The following ARHGAP31 variants were observed in gnomAD, a reference collection of about 807,000 sequenced individuals.
ARHGAP31 encodes the protein Rho GTPase activating protein 31.
ARHGAP31 carries 34 observed loss-of-function variants against 113.9 expected under a neutral mutation model. The observed-to-expected ratio is 0.30, with a 90% confidence interval of 0.23 to 0.40. The LOEUF is 0.40. Among genes scored for constraint, ARHGAP31 ranks in the 10% least tolerant of loss-of-function variants. The pLI is 1.00. For synonymous variants in ARHGAP31, 650 were observed against 684.8 expected, an observed-to-expected ratio of 0.95 and a Z score of 0.79; for missense variants, 1,548 against 1,767.1, an observed-to-expected ratio of 0.88 and a Z score of 2.22.
rs749855882 is a variant in ARHGAP31, at chr3:119,402,081, C to A, written c.1329C>A (p.Ser443Arg). The change falls in exon 10 of 12, where the codon AGC becomes AGA. Residue 443 changes from serine to arginine, a missense_variant. Physicochemically the swap from Ser to Arg is moderately radical, Grantham distance 110 (BLOSUM62 -1). Coordinates refer to ENST00000264245, the MANE Select transcript of ARHGAP31 (RefSeq NM_020754.4). ...TCCGGCCTGTTGAGGATCCGGAGAG[C>A]GAGCAAACAGCCCCAAAGATGTTGG... ...KVFRPVEDPESEQTAPKMLGM... is the reference protein window; with the variant it reads ...KVFRPVEDPEREQTAPKMLGM... The A allele has an allele frequency of 6.2e-6, 10 of 1,614,088 alleles. No individual in the cohort carries two copies. The African/African-American group carries it at 1.2e-4, about 19-fold the overall frequency.
intron 6 of ARHGAP31, among the ~76,000 whole-genome samples, 156 bp downstream of exon 6, chr3:119,383,382 A>G (rs1011606535): frequency 6.6e-6 from 1 of 152,192 alleles, no homozygotes; most frequent in East Asian, 1.9e-4. Flanking sequence ...AGGATCGTGC[A>G]TATATACATC....
intron 3 of ARHGAP31, among the ~76,000 whole-genome samples, chr3:119,377,136 T>G (rs1427750234): frequency 1.3e-5 from 2 of 152,196 alleles, no homozygotes; most frequent in African/African-American, 4.8e-5. Flanking sequence ...CATTCAACAG[T>G]GTTTATTGGG....
At chr3:119,338,324 T>G (rs1162103185) in intron 1 of ARHGAP31, among the ~76,000 whole-genome samples, 1 of 152,220 alleles carries the variant, frequency 6.6e-6, no homozygotes, top group South Asian at 2.1e-4. Context: ...CATTTAACAA[T>G]TAGCTCATAC....
chr3:119,391,589 A>ACCCCCCCCCCCCCCCCCCCCCCCCCC (rs368549202), intron 7 of ARHGAP31, among the ~76,000 whole-genome samples: 7 of 103,852 alleles, frequency 6.7e-5, no homozygotes, highest in African/African-American at 1.1e-4. Flanking sequence ...CTGGGTCTCT[A>ACCCCCCCCCCCCCCCCCCCCCCCCCC]CCCCCCCCTC....
rs750712359 is a variant in ARHGAP31, at chr3:119,415,582, C to T, written c.3653C>T (p.Ser1218Phe). The T allele has an allele frequency of 1.9e-5, 31 of 1,614,052 alleles. No individual in the cohort carries two copies. The highest frequency in any genetic ancestry group is 2.6e-5 in the Non-Finnish European group (31 of 1,180,052). ...ACCCAGATCCCACAGCCCCTGCCCT[C>T]TCAGAGCTCAGGGGAGAATGGGGTT... ...QYTQIPQPLP[S>F]QSSGENGVQP... The change falls in exon 12 of 12, where the codon TCT becomes TTT. Residue 1218 changes from serine to phenylalanine, a missense_variant. Physicochemically the swap from Ser to Phe is radical, Grantham distance 155 (BLOSUM62 -2). Transcript: ENST00000264245.
chr3:119,349,345 G>A (rs115811268), intron 1 of ARHGAP31, among the ~76,000 whole-genome samples: 441 of 152,266 alleles, frequency 2.9e-3, no homozygotes, highest in African/African-American at 9.6e-3. Context: ...CTGCAGCAGA[G>A]CTTGGTGTCC....
rs948538248 is a variant in ARHGAP31 at position 119,419,108 on chromosome 3, G to A, written c.*2844G>A. On this transcript the variant is annotated 3_prime_UTR_variant, in exon 12 of 12. Coordinates refer to ENST00000264245, the MANE Select transcript of ARHGAP31 (RefSeq NM_020754.4). The stretch of plus-strand genomic sequence containing the variant: ...AGAATGGCTGGATGGGAATCAGATA[G>A]TCTGCTTCCATTCAGGAGAGGGACA... 3 of 152,102 alleles carry A rather than the reference G, an allele frequency of 2.0e-5. No individual in the cohort carries two copies. The highest frequency in any genetic ancestry group is 2.9e-5 in the Non-Finnish European group (2 of 68,062). The allele number at this position is 152,102 out of a possible 1,614,324, so 9.4% of individuals were successfully genotyped here.
At chr3:119,380,325 A>G (rs1045149036) in intron 3 of ARHGAP31, among the ~76,000 whole-genome samples, 16 of 152,110 alleles carry the variant, frequency 1.1e-4, no homozygotes, top group African/African-American at 3.9e-4. Flanking sequence ...GGCTGAGTGG[A>G]CTTGGTAATG....
At chr3:119,307,079 G>A (rs867093207) in intron 1 of ARHGAP31, among the ~76,000 whole-genome samples, 3 of 150,480 alleles carry the variant, frequency 2.0e-5, no homozygotes, top group African/African-American at 7.3e-5. Context: ...CCAGTATAGT[G>A]AAACCAATTA....
Position 119,402,241 on chromosome 3 carries a change from C to T in ARHGAP31, c.1489C>T (p.Arg497Cys). 6.2e-7 allele frequency: 1 copy of T among 1,614,244 alleles called. No homozygotes were observed. Among genetic ancestry groups the T allele is most frequent in the Non-Finnish European group, 8.5e-7 (1 of 1,180,036 alleles). The change falls in exon 10 of 12, where the codon CGC (arginine) becomes TGC (cysteine). Residue 497 changes from arginine to cysteine, a missense_variant. By Grantham distance (180) the Arg-to-Cys change is radical (BLOSUM62 -3). Transcript: ENST00000264245. Reference sequence around the variant, plus strand: ...GCCCTTTGCGGTATCTGTGCCGCTCCGCGTGTCCGCAGTCATCAGCACCAA... The same window carrying T: ...GCCCTTTGCGGTATCTGTGCCGCTCTGCGTGTCCGCAGTCATCAGCACCAA... Reference protein sequence around the residue: ...SEPFAVSVPLRVSAVISTNST... With the variant: ...SEPFAVSVPLCVSAVISTNST...
At chr3:119,361,916 C>T (rs536833485) in intron 1 of ARHGAP31, among the ~76,000 whole-genome samples, 1 of 152,340 alleles carries the variant, frequency 6.6e-6, no homozygotes, top group South Asian at 2.1e-4. Context: ...GGGACCATGA[C>T]CTCTTTCCTT....
In ARHGAP31 at chr3:119,331,518, GGAA is replaced by G. The variant is rs542693896; in HGVS notation, c.101-33793_101-33791del. Among the ~76,000 whole-genome samples the G allele has an allele frequency of 6.6e-5, 10 of 152,040 alleles. No homozygotes were observed. The South Asian group carries it at 2.1e-3, about 32-fold the overall frequency. On this transcript the variant is annotated intron_variant, in intron 1 of 11. Transcript: ENST00000264245. The stretch of plus-strand genomic sequence containing the variant: ...ATGTTGGATTTTGAAAAGGAGTGAG[GGAA>G]GAAGGTGTATATATAGTACCTGCAA...
At chr3:119,324,698 C>G (rs2079826242) in intron 1 of ARHGAP31, among the ~76,000 whole-genome samples, 1 of 152,202 alleles carries the variant, frequency 6.6e-6, no homozygotes, top group South Asian at 2.1e-4. Flanking sequence ...TAAGGATAGA[C>G]GTGGAAAAAC....
chr3:119,323,494 TTTC>T lies in ARHGAP31; in HGVS notation c.100+28499_100+28501del, dbSNP rs558485570. 7.6e-4 allele frequency among the ~76,000 whole-genome samples: 116 copies of T among 152,232 alleles called. 3 individuals carry two copies. The highest frequency in any genetic ancestry group is 4.6e-3 in the South Asian group (22 of 4,832). ...TTCTTTCCTTTTTTCTTTTGTTTCTTTTCTTCTTCTTTTTTTTTTAACCACATC... is the reference window on the plus strand; with the variant it reads ...TTCTTTCCTTTTTTCTTTTGTTTCTTTTCTTCTTTTTTTTTTAACCACATC... On this transcript the variant is annotated intron_variant, in intron 1 of 11. Transcript: ENST00000264245.
chr3:119,297,909 A>AACACACACACACACAC lies in ARHGAP31; in HGVS notation c.100+2926_100+2941dup, dbSNP rs10575145. Among the ~76,000 whole-genome samples, 1,067 of 142,748 alleles carry AACACACACACACACAC rather than the reference A, an allele frequency of 7.5e-3. 17 individuals are homozygous for AACACACACACACACAC. The highest frequency in any genetic ancestry group is 0.025 in the African/African-American group (968 of 38,334). 93.6% of individuals were successfully genotyped at this position (142,748 alleles called of 152,430 possible). On this transcript the variant is annotated intron_variant, in intron 1 of 11. Coordinates refer to ENST00000264245, the MANE Select transcript of ARHGAP31 (RefSeq NM_020754.4). ...GAGAAACAGAAACCCTTTCCTTAGAAACACACACACACACACACACACACA... is the reference window on the plus strand; with the variant it reads ...GAGAAACAGAAACCCTTTCCTTAGAAACACACACACACACACACACACACACACACACACACACACA...
At chr3:119,375,202 C>T (rs995871235) in intron 3 of ARHGAP31, among the ~76,000 whole-genome samples, 1 of 152,156 alleles carries the variant, frequency 6.6e-6, no homozygotes, top group African/African-American at 2.4e-5. Context: ...AAACCTATTG[C>T]CTCACAGGTC....
chr3:119,320,000 C>T (rs182743898), intron 1 of ARHGAP31, among the ~76,000 whole-genome samples: 5 of 152,330 alleles, frequency 3.3e-5, no homozygotes, highest in African/African-American at 1.2e-4. Context: ...AGCCCAGACC[C>T]ACACCTCTCT....
At chr3:119,299,271 C>A (rs2079560214) in intron 1 of ARHGAP31, among the ~76,000 whole-genome samples, 1 of 152,158 alleles carries the variant, frequency 6.6e-6, no homozygotes. Context: ...AGATTACAGA[C>A]CATTTTCCCC....
chr3:119,373,527 G>A (rs141056721), intron 3 of ARHGAP31, among the ~76,000 whole-genome samples: 9 of 151,918 alleles, frequency 5.9e-5, no homozygotes, highest in East Asian at 1.9e-4. Flanking sequence ...GCAGTGGTGC[G>A]ATCACGGCTC....
Sources: allele counts gnomAD v4.1 joint callset (sites outside exome capture counted in the v4.1 genomes callset), GRCh38; gene constraint gnomAD v4.1.1; transcripts MANE v1.5; gene names NCBI Gene and HGNC (gene_info 2026-07-23, HGNC 2026-07-21).